Variants in TENM2 observed in about 807,000 individuals in gnomAD.
TENM2 encodes teneurin-2.
Under a neutral mutation model 245.2 loss-of-function variants are expected in TENM2, and 52 were observed. The observed-to-expected ratio is 0.21, with a 90% confidence interval of 0.17 to 0.27. The LOEUF is 0.27. Ranked by LOEUF, TENM2 falls within the 10% of genes least tolerant of loss-of-function variation. The pLI is 1.00. For synonymous variants in TENM2, 1,363 were observed against 1,438.9 expected, an observed-to-expected ratio of 0.95 and a Z score of 1.19; for missense variants, 3,046 against 3,666.8, an observed-to-expected ratio of 0.83 and a Z score of 4.37.
At chr5:167,006,855 G>T in the TENM2 span, among the ~76,000 whole-genome samples, 6 of 152,048 alleles carry the variant, frequency 3.9e-5, no homozygotes, top group Admixed American at 1.3e-4. Context: ...TGGTAGAGAT[G>T]GGGGTTTCTT....
rs557645047 is a variant in TENM2, at chr5:167,289,675, T to G, written c.226+4612T>G. Among the ~76,000 whole-genome samples, 20 of 152,344 alleles carry G rather than the reference T, an allele frequency of 1.3e-4. No individual in the cohort carries two copies. The South Asian group carries it at 3.5e-3, about 27-fold the overall frequency. On this transcript the variant is annotated intron_variant, in intron 1 of 28. Coordinates refer to ENST00000518659, the Ensembl canonical transcript of TENM2. Reference sequence around the variant, plus strand: ...TCTTTAAAATAATGTGGGCAATAACTTTTGCTCTGTATAATTTGGCATAAT... The same window carrying G: ...TCTTTAAAATAATGTGGGCAATAACGTTTGCTCTGTATAATTTGGCATAAT...
intron 12 of TENM2, among the ~76,000 whole-genome samples, chr5:168,160,419 T>C (rs1757643247): frequency 6.6e-6 from 1 of 152,214 alleles, no homozygotes; most frequent in South Asian, 2.1e-4. Flanking sequence ...AAACAAGCCT[T>C]TCCAGGTGTG....
chr5:167,419,383 C>T (rs1208828112), intron 2 of TENM2, among the ~76,000 whole-genome samples: 1 of 152,078 alleles, frequency 6.6e-6, no homozygotes, highest in Admixed American at 6.6e-5. Context: ...AATGGCTGAG[C>T]CTGGGAGGTG....
At chr5:167,971,908 G>A (rs1055727136) in intron 4 of TENM2, among the ~76,000 whole-genome samples, 19 of 152,254 alleles carry the variant, frequency 1.2e-4, no homozygotes, top group African/African-American at 4.6e-4. Flanking sequence ...ACACGCCAGC[G>A]CCTTCCACTA....
chr5:168,069,057 C>T (rs1264510265), intron 7 of TENM2, among the ~76,000 whole-genome samples: 1 of 133,044 alleles, frequency 7.5e-6, no homozygotes, highest in Non-Finnish European at 1.6e-5. Context: ...AGCTTTGAAA[C>T]TCTCCTTATT....
At chr5:167,207,340 A>G in the TENM2 span, among the ~76,000 whole-genome samples, 2 of 152,258 alleles carry the variant, frequency 1.3e-5, no homozygotes, top group Non-Finnish European at 2.9e-5. Flanking sequence ...GCATGAGTAT[A>G]GTCACTGAGT....
chr5:168,093,314 C>A (rs941127955), intron 8 of TENM2, among the ~76,000 whole-genome samples: 4 of 152,212 alleles, frequency 2.6e-5, no homozygotes, highest in East Asian at 1.9e-4. Flanking sequence ...AAGAGGATCT[C>A]TCTTGTCTGG....
intron 2 of TENM2, among the ~76,000 whole-genome samples, chr5:167,515,650 C>CATATATACGTATATATGTATATATAT (rs1392688070): frequency 7.8e-6 from 1 of 128,056 alleles, no homozygotes; most frequent in African/African-American, 3.0e-5. Flanking sequence ...TATATATATA[C>CATATATACGTATATATGTATATATAT]ACATATATAC....
chr5:167,387,374 C>T (rs1226699895), intron 2 of TENM2, among the ~76,000 whole-genome samples: 2 of 151,978 alleles, frequency 1.3e-5, no homozygotes, highest in African/African-American at 2.4e-5. Flanking sequence ...ACTTTGTATC[C>T]GGAAAGTTTG....
At chr5:167,337,420 A>G (rs1324192804) in intron 1 of TENM2, among the ~76,000 whole-genome samples, 3 of 152,222 alleles carry the variant, frequency 2.0e-5, no homozygotes, top group Admixed American at 6.5e-5. Flanking sequence ...ATATAACACA[A>G]TAAGTAAGAG....
chr5:167,231,582 G>T, the TENM2 span, among the ~76,000 whole-genome samples: 4 of 152,212 alleles, frequency 2.6e-5, no homozygotes, highest in Non-Finnish European at 5.9e-5. Context: ...CATTCAAGAA[G>T]TGATTCAGGT....
At chr5:167,153,152 G>T in the TENM2 span, among the ~76,000 whole-genome samples, 1 of 151,458 alleles carries the variant, frequency 6.6e-6, no homozygotes, top group Admixed American at 6.6e-5. Flanking sequence ...GAACAGTGCA[G>T]GGGTTAGGAG....
intron 2 of TENM2, among the ~76,000 whole-genome samples, chr5:167,796,026 A>G (rs1414505816): frequency 1.3e-5 from 2 of 152,190 alleles, no homozygotes; most frequent in Non-Finnish European, 2.9e-5. Flanking sequence ...GAAAAGAAGT[A>G]GGAGACTATG....
At chr5:168,195,828 T>C (rs979110257) in intron 15 of TENM2, among the ~76,000 whole-genome samples, 1 of 152,032 alleles carries the variant, frequency 6.6e-6, no homozygotes, top group Non-Finnish European at 1.5e-5. Context: ...TTAAATACAT[T>C]TAGCAGTCAC....
intron 2 of TENM2, among the ~76,000 whole-genome samples, chr5:167,381,409 A>C (rs1012484405): frequency 2.6e-5 from 4 of 152,174 alleles, no homozygotes; most frequent in Non-Finnish European, 5.9e-5. Context: ...TAACAACAGA[A>C]GTTACCAACT....
At chr5:168,170,526 G>T (rs1295328465) in intron 13 of TENM2, among the ~76,000 whole-genome samples, 2 of 151,982 alleles carry the variant, frequency 1.3e-5, no homozygotes, top group Non-Finnish European at 2.9e-5. Context: ...GAGAGAGAGA[G>T]AAAGACAGGA....
At chr5:167,662,832 T>G (rs976192976) in intron 2 of TENM2, among the ~76,000 whole-genome samples, 3 of 152,088 alleles carry the variant, frequency 2.0e-5, no homozygotes, top group African/African-American at 7.2e-5. Context: ...TTATCAGAAA[T>G]GCAGAACCTG....
chr5:168,146,740 G>A (rs1581443811), intron 12 of TENM2, among the ~76,000 whole-genome samples: 1 of 152,272 alleles, frequency 6.6e-6, no homozygotes, highest in African/African-American at 2.4e-5. Context: ...TTTCACAGGT[G>A]ACAAAACTGA....
chr5:167,676,672 T>C (rs978559986), intron 2 of TENM2, among the ~76,000 whole-genome samples: 3 of 151,902 alleles, frequency 2.0e-5, no homozygotes, highest in Non-Finnish European at 4.4e-5. Flanking sequence ...CTGAAAAGGC[T>C]GCTTTGGGAT....
Sources: allele counts gnomAD v4.1 joint callset (sites outside exome capture counted in the v4.1 genomes callset), GRCh38; gene constraint gnomAD v4.1.1; transcripts MANE v1.5; gene names NCBI Gene and HGNC (gene_info 2026-07-23, HGNC 2026-07-21).